RXRA: variants seen among roughly 807,000 people sequenced by gnomAD.
The protein encoded by RXRA is retinoid X receptor alpha, also known as retinoic acid receptor RXR-alpha.
RXRA carries 5 observed loss-of-function variants against 44.5 expected under a neutral mutation model. That is an observed-to-expected ratio of 0.11 (90% CI 0.06 to 0.24). The LOEUF is 0.24. Ranked by LOEUF, RXRA falls within the 10% of genes least tolerant of loss-of-function variation. RXRA has a pLI of 1.00. For missense variants in RXRA, 412 were observed against 646.5 expected (o/e 0.64, Z 3.93); for synonymous variants, 291 against 271.4 (o/e 1.07, Z -0.71).
chr9:134,390,039 G>T (rs746614527), intron 1 of RXRA, among the ~76,000 whole-genome samples: 6 of 152,218 alleles, frequency 3.9e-5, no homozygotes, highest in African/African-American at 7.2e-5. Flanking sequence ...GCGAGGCCTT[G>T]GGTCAGAGCC....
At chr9:134,373,195 T>C (rs1830511349) in intron 1 of RXRA, among the ~76,000 whole-genome samples, 1 of 152,062 alleles carries the variant, frequency 6.6e-6, no homozygotes, top group South Asian at 2.1e-4. Context: ...GGCGGAAGTG[T>C]CTGGGGCCCG....
At chr9:134,396,247 A>G (rs867210815) in intron 1 of RXRA, among the ~76,000 whole-genome samples, 1 of 151,980 alleles carries the variant, frequency 6.6e-6, no homozygotes, top group Admixed American at 6.5e-5. Flanking sequence ...TGCCCGCCCC[A>G]CCCTAGTTCC....
At chr9:134,328,187 G>A (rs1342966872) in intron 1 of RXRA, among the ~76,000 whole-genome samples, 2 of 152,166 alleles carry the variant, frequency 1.3e-5, no homozygotes, top group Non-Finnish European at 2.9e-5. Flanking sequence ...CACAGAGCTA[G>A]GCTCTCCCAG....
chr9:134,374,451 C>T (rs1830528222), intron 1 of RXRA, among the ~76,000 whole-genome samples: 1 of 152,224 alleles, frequency 6.6e-6, no homozygotes, highest in South Asian at 2.1e-4. Flanking sequence ...CTGGTGTGGG[C>T]TGCGCTGGTC....
At chr9:134,370,320 C>T (rs1046187101) in intron 1 of RXRA, among the ~76,000 whole-genome samples, 1 of 152,212 alleles carries the variant, frequency 6.6e-6, no homozygotes, top group Non-Finnish European at 1.5e-5. Context: ...CTTGGCAGGG[C>T]TCTCTGCCCT....
At chr9:134,404,406 G>A (rs976644662) in intron 2 of RXRA, 2 of 152,402 alleles carry the variant, frequency 1.3e-5, no homozygotes, top group African/African-American at 2.4e-5. Context: ...TACTCCCAGA[G>A]CAGGCCCGGG....
chr9:134,383,329 G>T (rs1413691077), intron 1 of RXRA, among the ~76,000 whole-genome samples: 1 of 152,138 alleles, frequency 6.6e-6, no homozygotes, highest in African/African-American at 2.4e-5. Flanking sequence ...CTGGGAGCCT[G>T]TTGCAGGTCA....
In RXRA at chr9:134,408,851, G is replaced by A. The variant is rs1487626916; in HGVS notation, c.431-89G>A. On this transcript the variant is annotated intron_variant, in intron 3 of 9. Coordinates refer to ENST00000481739, the MANE Select transcript of RXRA (RefSeq NM_002957.6). ...CAGGTCCCTTTCTGAGGCCTGGCCC[G>A]CCAGCTGGTAGTGGCGGCGTTGGAT... is the stretch of plus-strand genomic sequence containing the variant. 9.2e-6 allele frequency: 12 copies of A among 1,302,230 alleles called. No homozygotes were observed. In the South Asian group the frequency reaches 9.7e-5, roughly 10 times the overall value. The allele number at this position is 1,302,230 out of a possible 1,614,324, so 80.7% of individuals were successfully genotyped here.
At chr9:134,424,128 G>A (rs1324686789) in intron 6 of RXRA, 1 of 980,970 alleles carries the variant, frequency 1.0e-6, no homozygotes, top group East Asian at 1.1e-4. Context: ...GGGTGGTCGT[G>A]GTGGAGTGCA....
chr9:134,409,551 G>A (rs1564289499), intron 4 of RXRA, among the ~76,000 whole-genome samples: 2 of 152,242 alleles, frequency 1.3e-5, no homozygotes, highest in East Asian at 1.9e-4. Flanking sequence ...TTTTGTGCTC[G>A]TCTTATTAAC....
At chr9:134,428,213 C>T (rs1271498302) in intron 6 of RXRA, among the ~76,000 whole-genome samples, 4 of 148,804 alleles carry the variant, frequency 2.7e-5, no homozygotes, top group East Asian at 2.0e-4. Flanking sequence ...TACCTAACCA[C>T]CCGCCCCAGG....
At position 134,403,170 on chromosome 9, in the gene RXRA, G is replaced by C. The variant is rs144773219; in HGVS notation, c.279+1288G>C. On this transcript the variant is annotated intron_variant, in intron 2 of 9. Coordinates refer to ENST00000481739, the MANE Select transcript of RXRA (RefSeq NM_002957.6). ...AGTTGGGGTCTGGAGCCGGCCTGCTGCCCATCCACCTGGCCCTGTTTAGAG... is the reference window on the plus strand; with the variant it reads ...AGTTGGGGTCTGGAGCCGGCCTGCTCCCCATCCACCTGGCCCTGTTTAGAG... The C allele has an allele frequency of 2.2e-3, 337 of 152,594 alleles. 7 individuals are homozygous for C. In the East Asian group the frequency reaches 0.054, roughly 25 times the overall value. The allele number at this position is 152,594 out of a possible 1,614,324, so 9.5% of individuals were successfully genotyped here.
Position 134,436,642 on chromosome 9 carries a change from C to T in RXRA, c.*28C>T. 2 of 1,612,386 alleles carry T rather than the reference C, an allele frequency of 1.2e-6. No homozygotes were observed. Among genetic ancestry groups the T allele is most frequent in the Non-Finnish European group, 1.7e-6 (2 of 1,179,126 alleles). ...CTGCGGGCCCATCCTTTGTGCCCAC[C>T]CGTTCTGGCCACCCTGCCTGGACGC... On this transcript the variant is annotated 3_prime_UTR_variant, in exon 10 of 10. Transcript: ENST00000481739.
Position 134,421,781 on chromosome 9 carries a change from G to T in RXRA, c.886G>T (p.Asp296Tyr). ...ACACTTCTCAGAGCTGCCCCTGGAC[G>T]ACCAGGTCATCCTGCTGCGGGCAGG... ...IPHFSELPLDDQVILLRAGWN... is the reference protein window; with the variant it reads ...IPHFSELPLDYQVILLRAGWN... Residue 296 changes from aspartate to tyrosine, a missense_variant, in exon 6 of 10, where the codon GAC (aspartate) becomes TAC (tyrosine). Asp to Tyr is a radical substitution (Grantham distance 160). This residue lies in a region of RXRA where 141 missense variants were observed against 270.8 expected (regional missense o/e 0.52). Transcript: ENST00000481739. 4 of 1,612,284 alleles carry T rather than the reference G, an allele frequency of 2.5e-6. No individual in the cohort carries two copies. Among genetic ancestry groups the T allele is most frequent in the Non-Finnish European group, 3.4e-6 (4 of 1,178,886 alleles).
chr9:134,397,521 T>C (rs931685366), intron 1 of RXRA, among the ~76,000 whole-genome samples: 3 of 152,150 alleles, frequency 2.0e-5, no homozygotes, highest in African/African-American at 7.2e-5. Flanking sequence ...ACTTCTTCTG[T>C]GCAGTCTTCC....
chr9:134,415,488 C>T (rs952325794), intron 4 of RXRA, among the ~76,000 whole-genome samples: 1 of 150,316 alleles, frequency 6.7e-6, no homozygotes, highest in Non-Finnish European at 1.5e-5. Context: ...TGGGATGGGA[C>T]ATGGTCAGTC....
At chr9:134,423,478 T>C in intron 6 of RXRA, 2 of 985,410 alleles carry the variant, frequency 2.0e-6, no homozygotes, top group Non-Finnish European at 2.4e-6. Flanking sequence ...GTTCTGGAAG[T>C]TGCTTGGGTC....
At chr9:134,423,083 TG>T in intron 6 of RXRA, 1 of 985,296 alleles carries the variant, frequency 1.0e-6, no homozygotes, top group Admixed American at 6.1e-5. Context: ...GAAGCCTGGA[TG>T]GGGCAGGCCC....
rs1212634205 is a variant in RXRA at position 134,349,699 on chromosome 9, A to C, written c.28+23040A>C. Among the ~76,000 whole-genome samples the C allele has an allele frequency of 6.6e-6, 1 of 152,114 alleles. No homozygotes were observed. Among genetic ancestry groups the C allele is most frequent in the Non-Finnish European group, 1.5e-5 (1 of 68,004 alleles). On this transcript the variant is annotated intron_variant, in intron 1 of 9. Coordinates refer to ENST00000481739, the MANE Select transcript of RXRA (RefSeq NM_002957.6). This position sits in a 1 kb window ranked among gnomAD's most constrained non-coding sequence, Gnocchi z 4.3. ...TCATGAGGTTTGGGGACTTTAGTTC[A>C]AGCTGAATGCCTGTCTCCCTGGAGG...
Sources: gnomAD v4.1 joint callset for allele counts (sites outside exome capture counted in the v4.1 genomes callset) on GRCh38, gnomAD v4.1.1 for gene constraint, gnomAD v4.1.1 regional missense constraint, Gnocchi (gnomAD v3.1) non-coding constraint, MANE v1.5 for transcripts, NCBI Gene and HGNC (gene_info 2026-07-23, HGNC 2026-07-21) for gene names.